SCUBE2: variants seen among roughly 807,000 people sequenced by gnomAD.
SCUBE2 encodes the protein signal peptide, CUB and EGF-like domain-containing protein 2.
A neutral mutation model predicts 125.9 loss-of-function variants in SCUBE2; 114 were observed. That is an observed-to-expected ratio of 0.91 (90% CI 0.78 to 1.06). The LOEUF (loss-of-function observed/expected upper bound fraction) is 1.06. Among genes scored for constraint, SCUBE2 ranks in the 50% least tolerant of loss-of-function variants. SCUBE2 has a pLI of 0.00. For missense variants in SCUBE2, 1,255 were observed against 1,301.8 expected (o/e 0.96, Z 0.55); for synonymous variants, 459 against 492.9 (o/e 0.93, Z 0.91).
In SCUBE2 at chr11:9,021,057, T is replaced by A. The variant is rs759147086; in HGVS notation, c.3075A>T (p.Arg1025Ser). ...LLRSKVSRFL[R>S]PYK ...CACGTGGGCTGAGTCATTTGTAAGG[T>A]CTCAAAAACCTGGACACTTTGGAAC... Residue 1025 changes from arginine to serine, a missense_variant, in exon 23 of 23, where the codon AGA (arginine) becomes AGT (serine). By Grantham distance (110) the Arg-to-Ser change is moderately radical (BLOSUM62 -1). Transcript: ENST00000649792. 1.1e-5 allele frequency: 17 copies of A among 1,613,274 alleles called. 1 individual carries two copies. The highest frequency in any genetic ancestry group is 2.2e-5 in the South Asian group (2 of 90,806).
chr11:9,048,182 A>G lies in SCUBE2; in HGVS notation c.1640-84T>C, dbSNP rs1311510336. On this transcript the variant is annotated intron_variant, in intron 14 of 22. Transcript: ENST00000649792. ...TTTGCTAGAGCTCAGTAAACATTTCATTAAAACAACTCTCAAGGGACTAAG... is the reference window on the plus strand; with the variant it reads ...TTTGCTAGAGCTCAGTAAACATTTCGTTAAAACAACTCTCAAGGGACTAAG... 8.0e-6 allele frequency: 11 copies of G among 1,371,184 alleles called. No individual in the cohort carries two copies. In the African/African-American group the frequency reaches 1.3e-4, roughly 16 times the overall value. The allele number at this position is 1,371,184 out of a possible 1,614,324, so 84.9% of individuals were successfully genotyped here.
At chr11:9,025,325 A>T (rs1240534312) in intron 21 of SCUBE2, among the ~76,000 whole-genome samples, 1 of 152,194 alleles carries the variant, frequency 6.6e-6, no homozygotes, top group African/African-American at 2.4e-5. Context: ...CACGTCCTTT[A>T]GGAACTCTCA....
Position 9,029,967 on chromosome 11 carries a change from T to A in SCUBE2, c.2420A>T (p.Glu807Val). The A allele has an allele frequency of 6.2e-7, 1 of 1,614,220 alleles. No individual in the cohort carries two copies. The highest frequency in any genetic ancestry group is 8.5e-7 in the Non-Finnish European group (1 of 1,180,042). The change falls in exon 19 of 23, where the codon GAA (glutamate) becomes GTA (valine). Residue 807 changes from glutamate (E) to valine (V), a missense_variant. Transcript: ENST00000649792. ...IRCPVGTYQP[E>V]FGKNNCVSCP... ...AGAAACACAATTATTTTTTCCAAATTCAGGCTGGTATGTTCCCACTGGGCA... is the reference window on the plus strand; with the variant it reads ...AGAAACACAATTATTTTTTCCAAATACAGGCTGGTATGTTCCCACTGGGCA...
chr11:9,088,035 A>G (rs1862261832), intron 2 of SCUBE2, among the ~76,000 whole-genome samples: 1 of 152,244 alleles, frequency 6.6e-6, no homozygotes, highest in Non-Finnish European at 1.5e-5. Context: ...ATGTCTATTC[A>G]GTGTCTACCA....
chr11:9,086,736 C>T (rs2742542), intron 2 of SCUBE2, among the ~76,000 whole-genome samples: 145,762 of 151,764 alleles, frequency 0.96, 70,257 homozygotes, highest in East Asian at 1. Flanking sequence ...GCCTGTAATT[C>T]CAGCTACTAG....
At chr11:9,054,481 T>G (rs549502875) in intron 10 of SCUBE2, among the ~76,000 whole-genome samples, 1 of 152,000 alleles carries the variant, frequency 6.6e-6, no homozygotes, top group East Asian at 1.9e-4. Flanking sequence ...ATTTACACAG[T>G]TGAGGCACAG....
At chr11:9,025,565 G>T in intron 21 of SCUBE2, 137 bp downstream of exon 21, 1 of 1,047,602 alleles carries the variant, frequency 9.5e-7, no homozygotes, top group Non-Finnish European at 1.4e-6. Context: ...TGGCACTTGT[G>T]AGTCAGCAAT....
At position 9,091,245 on chromosome 11, in the gene SCUBE2, G is replaced by A; in HGVS notation, c.133+151C>T. 2.1e-6 allele frequency: 1 copy of A among 481,190 alleles called. No individual in the cohort carries two copies. The allele number at this position is 481,190 out of a possible 1,614,324, so 29.8% of individuals were successfully genotyped here. ...TCGTGGCGCCTTGGCCCGGCCGGCG[G>A]GTGAGGTCCCGGGGGGAGCAGAGGC... On this transcript the variant is annotated intron_variant, in intron 1 of 22. Coordinates refer to ENST00000649792, the MANE Select transcript of SCUBE2 (RefSeq NM_001367977.2). The surrounding 1 kb of genome is among the most constrained non-coding windows in gnomAD (Gnocchi z 8.5).
intron 16 of SCUBE2, among the ~76,000 whole-genome samples, chr11:9,037,465 G>A (rs1007952843): frequency 6.6e-6 from 1 of 152,204 alleles, no homozygotes; most frequent in East Asian, 1.9e-4. Flanking sequence ...AGTATTTCAG[G>A]CTATAGACAA....
chr11:9,028,673 T>A (rs1037144758), intron 19 of SCUBE2, among the ~76,000 whole-genome samples: 1 of 151,956 alleles, frequency 6.6e-6, no homozygotes, highest in Non-Finnish European at 1.5e-5. Context: ...AGAAAAAAAA[T>A]AAATAGGCTT....
At position 9,020,803 on chromosome 11, in the gene SCUBE2, C is replaced by T. The variant is rs750882992; in HGVS notation, c.*242G>A. 57 of 388,070 alleles carry T rather than the reference C, an allele frequency of 1.5e-4. No individual in the cohort carries two copies. Among genetic ancestry groups the T allele is most frequent in the Non-Finnish European group, 7.8e-5 (17 of 216,722 alleles). 24.0% of individuals were successfully genotyped at this position (388,070 alleles called of 1,614,324 possible). On this transcript the variant is annotated 3_prime_UTR_variant, in exon 23 of 23. Transcript: ENST00000649792. ...CAGCCCGTGATCTATCCAAGACATC[C>T]GCCCACAGCAGTGAGAAGCTGATGC... is the stretch of plus-strand genomic sequence containing the variant.
chr11:9,041,214 T>C (rs183795689), intron 16 of SCUBE2, among the ~76,000 whole-genome samples: 20 of 152,306 alleles, frequency 1.3e-4, no homozygotes, highest in African/African-American at 4.8e-4. Flanking sequence ...AGTATATAGT[T>C]TATAAATAAG....
At chr11:9,085,626 T>G (rs1459619901) in intron 2 of SCUBE2, among the ~76,000 whole-genome samples, 29 of 151,810 alleles carry the variant, frequency 1.9e-4, no homozygotes, top group Non-Finnish European at 5.9e-5. Context: ...CTGGGGAGGC[T>G]GAGGAAGGAG....
chr11:9,030,771 G>A lies in SCUBE2; in HGVS notation c.2328C>T (p.Asp776=). The A allele has an allele frequency of 6.2e-7, 1 of 1,613,836 alleles. No individual in the cohort carries two copies. The highest frequency in any genetic ancestry group is 8.5e-7 in the Non-Finnish European group (1 of 1,179,882). ...TKHQGATSFQ[D]CETRVQCSPG... Reference sequence around the variant, plus strand: ...CCAAGTACTCACCTCTGGTTTCACAGTCCTGAAAGGAAGTAGCTCCCTGAT... The same window carrying A: ...CCAAGTACTCACCTCTGGTTTCACAATCCTGAAAGGAAGTAGCTCCCTGAT... Residue 776 remains aspartate (D), a synonymous_variant, in exon 18 of 23, where the codon GAC becomes GAT. Coordinates refer to ENST00000649792, the MANE Select transcript of SCUBE2 (RefSeq NM_001367977.2).
At chr11:9,025,317 C>A (rs72856037) in intron 21 of SCUBE2, among the ~76,000 whole-genome samples, 17,636 of 152,218 alleles carry the variant, frequency 0.12, 1,135 homozygotes, top group South Asian at 0.23. Context: ...CACTGCCTCA[C>A]GTCCTTTAGG....
intron 16 of SCUBE2, among the ~76,000 whole-genome samples, chr11:9,039,251 C>T (rs960980374): frequency 8.0e-5 from 10 of 124,946 alleles, no homozygotes; most frequent in African/African-American, 1.6e-4. Flanking sequence ...CTAGAGATGA[C>T]GGTGGCTTGA....
intron 20 of SCUBE2, 46 bp downstream of exon 20, chr11:9,027,306 AGCAGGTCATCAG>A: frequency 6.5e-7 from 1 of 1,542,908 alleles, no homozygotes; most frequent in Non-Finnish European, 8.9e-7. Flanking sequence ...AAGCCTGAGG[AGCAGGTCATCAG>A]GCTTCCCAGC....
intron 21 of SCUBE2, among the ~76,000 whole-genome samples, chr11:9,024,633 C>T (rs1315037566): frequency 6.6e-6 from 1 of 152,190 alleles, no homozygotes; most frequent in Non-Finnish European, 1.5e-5. Context: ...CACACCCAAC[C>T]CACTGACCAA....
rs1414928256 is a variant in SCUBE2 at position 9,030,883 on chromosome 11, G to A, written c.2216C>T (p.Pro739Leu). Residue 739 changes from proline (P) to leucine (L), a missense_variant, in exon 18 of 23, where the codon CCT (proline) becomes CTT (leucine). Transcript: ENST00000649792. The stretch of plus-strand genomic sequence containing the variant: ...CGTGCCCAGGGCACAGAGCTGGCAA[G>A]GTGCAAAGCCATCTGCAGAATATTC... The part of the protein sequence containing the change: ...PGEYSADGFA[P>L]CQLCALGTFQ... The A allele has an allele frequency of 6.2e-7, 1 of 1,614,062 alleles. No individual in the cohort carries two copies. The highest frequency in any genetic ancestry group is 8.5e-7 in the Non-Finnish European group (1 of 1,180,032).
Sources: gnomAD v4.1 joint callset for allele counts (sites outside exome capture counted in the v4.1 genomes callset) on GRCh38, gnomAD v4.1.1 for gene constraint, Gnocchi (gnomAD v3.1) non-coding constraint, MANE v1.5 for transcripts, NCBI Gene and HGNC (gene_info 2026-07-23, HGNC 2026-07-21) for gene names.